Variants in IQCN observed in about 807,000 individuals in gnomAD.
IQCN encodes the protein IQ domain-containing protein N.
IQCN carries 46 observed loss-of-function variants against 64.4 expected under a neutral mutation model. The ratio of observed to expected loss-of-function variants is 0.71; its 90% CI spans 0.56 to 0.91. IQCN has a LOEUF of 0.91. Ranked by LOEUF, IQCN falls within the 40% of genes least tolerant of loss-of-function variation. IQCN has a pLI of 0.00. For missense variants in IQCN, 1,753 were observed against 1,857.4 expected, an observed-to-expected ratio of 0.94 and a Z score of 1.03; for synonymous variants, 733 against 775.6, an observed-to-expected ratio of 0.95 and a Z score of 0.91.
Position 18,265,420 on chromosome 19 carries a change from G to A in IQCN, c.2120C>T (p.Ala707Val). The A allele has an allele frequency of 6.2e-7, 1 of 1,614,178 alleles. No individual in the cohort carries two copies. Residue 707 changes from alanine (A) to valine (V), a missense_variant, in exon 3 of 4, where the codon GCC (alanine) becomes GTC (valine). Physicochemically the swap from Ala to Val is moderately conservative, Grantham distance 64. Transcript: ENST00000392413. The surrounding 1 kb of genome is among the most constrained non-coding windows in gnomAD (Gnocchi z 4.7). ...CTTGCTCAGACAGGTGTCCAGATGG[G>A]CCAGGGATGGGGTCTTGGTCAGCTC... ...PTELTKTPSL[A>V]HLDTCLSKMH...
In IQCN at chr19:18,257,882, C is replaced by G; in HGVS notation, c.3402G>C (p.Arg1134=). ...TGACCATGGCCCCCCGGTGCCACAG[C>G]CGGATCCTGCGACGCGCCAGGTAGC... ...VRGYLARRRI[R]LWHRGAMVIQ... The change falls in exon 4 of 4, where the codon CGG becomes CGC. Residue 1134 remains arginine (R), a synonymous_variant. Coordinates refer to ENST00000392413, the MANE Select transcript of IQCN (RefSeq NM_001145304.2). The G allele has an allele frequency of 6.2e-7, 1 of 1,612,482 alleles. No individual in the cohort carries two copies. The highest frequency in any genetic ancestry group is 8.5e-7 in the Non-Finnish European group (1 of 1,179,904).
chr19:18,260,831 G>A (rs1969410846), intron 3 of IQCN: 1 of 152,764 alleles, frequency 6.5e-6, no homozygotes, highest in African/African-American at 2.4e-5. Context: ...CTGGGCTTAA[G>A]GACACCACAC....
chr19:18,266,336 T>C lies in IQCN; in HGVS notation c.1204A>G (p.Lys402Glu). ...GAGGCTGTGGGGTGTACCTGGATCTTGGTCATTGTGGGCATGGGGCATGTG... is the reference window on the plus strand; with the variant it reads ...GAGGCTGTGGGGTGTACCTGGATCTCGGTCATTGTGGGCATGGGGCATGTG... ...PHTCPMPTMT[K>E]IQVHPTASRT... is the part of the protein sequence containing the mutation. Residue 402 changes from lysine to glutamate, a missense_variant, in exon 3 of 4, where the codon AAG becomes GAG. Physicochemically the swap from Lys to Glu is moderately conservative, Grantham distance 56. Coordinates refer to ENST00000392413, the MANE Select transcript of IQCN (RefSeq NM_001145304.2). The surrounding 1 kb of genome is among the most constrained non-coding windows in gnomAD (Gnocchi z 4.3). 1 of 1,613,140 alleles carries C rather than the reference T, an allele frequency of 6.2e-7. No homozygotes were observed. The highest frequency in any genetic ancestry group is 8.5e-7 in the Non-Finnish European group (1 of 1,179,646).
rs1432050686 is a variant in IQCN, at chr19:18,267,603, G to GC, written c.14-78dup. The stretch of plus-strand genomic sequence containing the variant: ...GGTCTCCTGGCTGGGGTGGACACTG[G>GC]CCCCCCAGGCCCAGATCTTGTTCCT... On this transcript the variant is annotated intron_variant, in intron 2 of 3. Transcript: ENST00000392413. 3.5e-6 allele frequency: 5 copies of GC among 1,448,402 alleles called. No homozygotes were observed. In the African/African-American group the frequency reaches 4.3e-5, roughly 12 times the overall value. The allele number at this position is 1,448,402 out of a possible 1,614,324, so 89.7% of individuals were successfully genotyped here. A position where few individuals can be genotyped will look rare whatever the true frequency, so the allele number is the denominator to read the frequency against.
At chr19:18,273,503 C>T (rs939282853) in intron 1 of IQCN, among the ~76,000 whole-genome samples, 2 of 151,780 alleles carry the variant, frequency 1.3e-5, no homozygotes, top group Admixed American at 6.6e-5. Flanking sequence ...CACCTAATTT[C>T]GTATTTTTAG....
In IQCN at chr19:18,265,742, G is replaced by A. The variant is rs760757546; in HGVS notation, c.1798C>T (p.Pro600Ser). 5 of 1,614,142 alleles carry A rather than the reference G, an allele frequency of 3.1e-6. No individual in the cohort carries two copies. The highest frequency in any genetic ancestry group is 4.2e-6 in the Non-Finnish European group (5 of 1,180,044). ...GTCTTGATTTTCTCGGCTTCCAAAG[G>A]AAGCTCAGCTGCAGCCCTGGGGACC... ...TGVPRAAAELPLEAEKIKTGT... is the reference protein window; with the variant it reads ...TGVPRAAAELSLEAEKIKTGT... The change falls in exon 3 of 4, where the codon CCT becomes TCT. Residue 600 changes from proline (P) to serine (S), a missense_variant. Physicochemically the swap from Pro to Ser is moderately conservative, Grantham distance 74. Coordinates refer to ENST00000392413, the MANE Select transcript of IQCN (RefSeq NM_001145304.2). This position sits in a 1 kb window ranked among gnomAD's most constrained non-coding sequence, Gnocchi z 4.7.
At chr19:18,270,567 G>A (rs1440847154) in intron 1 of IQCN, among the ~76,000 whole-genome samples, 1 of 152,082 alleles carries the variant, frequency 6.6e-6, no homozygotes, top group Non-Finnish European at 1.5e-5. Flanking sequence ...GCTGAGACAG[G>A]AGGATCATTT....
chr19:18,265,164 G>C lies in IQCN; in HGVS notation c.2376C>G (p.Ser792Arg), dbSNP rs760161248. ...CCTCTGGCTTGGCCCAGGGTGGGGC[G>C]CTGAGGCCACCGAGGCGCTGGCAGG... Reference protein sequence around the residue: ...NHACQRLGGLSAPPWAKPEDR... With the variant: ...NHACQRLGGLRAPPWAKPEDR... Residue 792 changes from serine to arginine, a missense_variant, in exon 3 of 4, where the codon AGC becomes AGG. Physicochemically the swap from Ser to Arg is moderately radical, Grantham distance 110. Coordinates refer to ENST00000392413, the MANE Select transcript of IQCN (RefSeq NM_001145304.2). This position sits in a 1 kb window ranked among gnomAD's most constrained non-coding sequence, Gnocchi z 4.7. The C allele has an allele frequency of 6.2e-7, 1 of 1,608,094 alleles. No individual in the cohort carries two copies. Among genetic ancestry groups the C allele is most frequent in the Non-Finnish European group, 8.5e-7 (1 of 1,179,906 alleles).
chr19:18,263,728 G>A (rs947558991), intron 3 of IQCN, among the ~76,000 whole-genome samples: 1 of 152,058 alleles, frequency 6.6e-6, no homozygotes, highest in Admixed American at 6.5e-5. Context: ...TAGAGACCAC[G>A]ATGTACCCCT....
chr19:18,271,639 C>A (rs1182355719), intron 1 of IQCN, among the ~76,000 whole-genome samples: 1 of 151,972 alleles, frequency 6.6e-6, no homozygotes, highest in Non-Finnish European at 1.5e-5. Flanking sequence ...CAGAGCTGGT[C>A]TGGAGTTGCA....
chr19:18,265,360 A>T lies in IQCN; in HGVS notation c.2180T>A (p.Val727Glu). The T allele has an allele frequency of 6.2e-7, 1 of 1,614,038 alleles. No homozygotes were observed. Among genetic ancestry groups the T allele is most frequent in the Non-Finnish European group, 8.5e-7 (1 of 1,180,006 alleles). ...HSQTHLATGA[V>E]KVQSQAPLAT... ...TAGAGGCGCTTGGGACTGGACCTTC[A>T]CGGCACCTGTGGCCAGATGTGTCTG... Residue 727 changes from valine to glutamate, a missense_variant, in exon 3 of 4, where the codon GTG becomes GAG. By Grantham distance (121) the Val-to-Glu change is moderately radical. Coordinates refer to ENST00000392413, the MANE Select transcript of IQCN (RefSeq NM_001145304.2). The surrounding 1 kb of genome is among the most constrained non-coding windows in gnomAD (Gnocchi z 4.7).
At chr19:18,270,817 T>G (rs1969719324) in intron 1 of IQCN, among the ~76,000 whole-genome samples, 1 of 137,544 alleles carries the variant, frequency 7.3e-6, no homozygotes, top group East Asian at 2.2e-4. Context: ...GGTGCCTGGC[T>G]GAGACCCTGT....
chr19:18,257,978 T>G lies in IQCN; in HGVS notation c.3306A>C (p.Pro1102=), dbSNP rs1414739541. ...AVVPPRRSGE[P]MVSMQAAEEI... ...CCTCTGCAGCCTGCATGGACACCAT[T>G]GGCTCCCCGGACCGCCTGGGAGGCA... The change falls in exon 4 of 4, where the codon CCA becomes CCC. Residue 1102 remains proline, a synonymous_variant. Transcript: ENST00000392413. The G allele has an allele frequency of 6.2e-7, 1 of 1,612,478 alleles. No individual in the cohort carries two copies. The highest frequency in any genetic ancestry group is 1.1e-5 in the South Asian group (1 of 91,046).
At chr19:18,272,869 C>T (rs551135693) in intron 1 of IQCN, among the ~76,000 whole-genome samples, 63 of 152,204 alleles carry the variant, frequency 4.1e-4, no homozygotes, top group African/African-American at 1.5e-3. Context: ...CTCGGCCTCC[C>T]AAAGTGCTGG....
chr19:18,263,736 C>G (rs1289633980), intron 3 of IQCN, among the ~76,000 whole-genome samples: 1 of 152,146 alleles, frequency 6.6e-6, no homozygotes, highest in Non-Finnish European at 1.5e-5. Flanking sequence ...ACGATGTACC[C>G]CTGAGGACTG....
chr19:18,269,721 T>C, intron 1 of IQCN, 134 bp from the exon 2 acceptor site: 1 of 499,172 alleles, frequency 2.0e-6, no homozygotes, highest in Non-Finnish European at 3.6e-6. Flanking sequence ...TCCAGTGTTA[T>C]TTTGTAGCTA....
Position 18,265,357 on chromosome 19 carries a change from T to C in IQCN, c.2183A>G (p.Lys728Arg). The change falls in exon 3 of 4, where the codon AAG becomes AGG. Residue 728 changes from lysine (K) to arginine (R), a missense_variant. Coordinates refer to ENST00000392413, the MANE Select transcript of IQCN (RefSeq NM_001145304.2). The surrounding 1 kb of genome is among the most constrained non-coding windows in gnomAD (Gnocchi z 4.7). ...SQTHLATGAV[K>R]VQSQAPLATC... ...GGCTAGAGGCGCTTGGGACTGGACC[T>C]TCACGGCACCTGTGGCCAGATGTGT... 1 of 1,614,170 alleles carries C rather than the reference T, an allele frequency of 6.2e-7. No individual in the cohort carries two copies.
intron 3 of IQCN, chr19:18,258,890 T>G (rs961557372): frequency 5.8e-6 from 1 of 173,774 alleles, no homozygotes; most frequent in African/African-American, 2.4e-5. Flanking sequence ...CCACCTCCCT[T>G]GGGGAAGAGA....
At position 18,266,070 on chromosome 19, in the gene IQCN, C is replaced by T; in HGVS notation, c.1470G>A (p.Lys490=). Residue 490 remains lysine, a synonymous_variant, in exon 3 of 4, where the codon AAG becomes AAA. Transcript: ENST00000392413. This position sits in a 1 kb window ranked among gnomAD's most constrained non-coding sequence, Gnocchi z 4.3. Reference sequence around the variant, plus strand: ...CTGGCAGGCGGGTCTGGGGTGAGGGCTTGGTCACCCCAACTGGGCTCCTCT... The same window carrying T: ...CTGGCAGGCGGGTCTGGGGTGAGGGTTTGGTCACCCCAACTGGGCTCCTCT... ...SSQRSPVGVT[K]PSPQTRLPAM... The T allele has an allele frequency of 6.2e-7, 1 of 1,613,690 alleles. No individual in the cohort carries two copies. Among genetic ancestry groups the T allele is most frequent in the Middle Eastern group, 1.7e-4 (1 of 6,056 alleles).
Sources: allele counts gnomAD v4.1 joint callset (sites outside exome capture counted in the v4.1 genomes callset), GRCh38; gene constraint gnomAD v4.1.1; non-coding constraint Gnocchi (gnomAD v3.1); transcripts MANE v1.5; gene names NCBI Gene and HGNC (gene_info 2026-07-23, HGNC 2026-07-21).